Variants in VSTM4 observed in about 807,000 individuals in gnomAD.
VSTM4 encodes the protein V-set and transmembrane domain containing 4, also known as V-set and transmembrane domain-containing protein 4.
A neutral mutation model predicts 36.4 loss-of-function variants in VSTM4; 20 were observed. The observed-to-expected ratio is 0.55, with a 90% CI of 0.39 to 0.80. The LOEUF (loss-of-function observed/expected upper bound fraction) is 0.80, where lower values mean the gene tolerates loss of function less well. Among genes scored for constraint, VSTM4 ranks in the 30% least tolerant of loss-of-function variants. The pLI, the probability that VSTM4 is intolerant of heterozygous loss-of-function variation, is 0.00. For missense variants in VSTM4, 392 were observed against 404.5 expected (o/e 0.97, Z 0.26); for synonymous variants, 182 against 173.9 (o/e 1.05, Z -0.37).
At chr10:49,071,145 A>T (rs1178901926) in intron 4 of VSTM4, among the ~76,000 whole-genome samples, 1 of 152,234 alleles carries the variant, frequency 6.6e-6, no homozygotes, top group Non-Finnish European at 1.5e-5. Context: ...CAAACCAAAC[A>T]GTATCACAGC....
chr10:49,101,011 A>G (rs1844655876), intron 2 of VSTM4, among the ~76,000 whole-genome samples: 1 of 152,118 alleles, frequency 6.6e-6, no homozygotes. Context: ...TATACCTTAT[A>G]TAAAAAAACA....
At chr10:49,034,575 T>C (rs1391597613) in intron 7 of VSTM4, among the ~76,000 whole-genome samples, 1 of 152,240 alleles carries the variant, frequency 6.6e-6, no homozygotes, top group Non-Finnish European at 1.5e-5. Context: ...TAGAATTGAT[T>C]CTGGCTAGGA....
chr10:49,103,503 A>G (rs1024809465), intron 2 of VSTM4: 10 of 1,220,822 alleles, frequency 8.2e-6, no homozygotes, highest in Non-Finnish European at 1.0e-5. Flanking sequence ...TAATTGAACT[A>G]TATTACACTA....
At position 49,028,938 on chromosome 10, in the gene VSTM4, G is replaced by T. The variant is rs899764255; in HGVS notation, c.838-9163C>A. On this transcript the variant is annotated intron_variant, in intron 7 of 7. Transcript: ENST00000332853. Reference sequence around the variant, plus strand: ...ATCAGGAATCTATTTACCCATGAGAGAATTACAAATTATCAGGGGCAGACT... The same window carrying T: ...ATCAGGAATCTATTTACCCATGAGATAATTACAAATTATCAGGGGCAGACT... 3.9e-5 allele frequency among the ~76,000 whole-genome samples: 6 copies of T among 152,342 alleles called. No homozygotes were observed. In the South Asian group the frequency reaches 1.2e-3, roughly 32 times the overall value.
At chr10:49,112,643 C>G (rs543034165) in intron 1 of VSTM4, among the ~76,000 whole-genome samples, 44 of 152,326 alleles carry the variant, frequency 2.9e-4, no homozygotes, top group African/African-American at 8.9e-4. Flanking sequence ...CGTGGGCCCA[C>G]GACCTGCAGG....
chr10:49,108,420 G>A (rs1040794901), intron 1 of VSTM4, among the ~76,000 whole-genome samples: 2 of 152,128 alleles, frequency 1.3e-5, no homozygotes, highest in Admixed American at 1.3e-4. Flanking sequence ...ACTTTTATCA[G>A]TTTTGTCCCT....
intron 4 of VSTM4, among the ~76,000 whole-genome samples, chr10:49,067,628 G>A (rs1683973862): frequency 6.6e-6 from 1 of 152,260 alleles, no homozygotes; most frequent in Non-Finnish European, 1.5e-5. Context: ...TAAAGCCCAG[G>A]AGAGAGGCTT....
At chr10:49,100,556 GA>G (rs1844648224) in intron 2 of VSTM4, among the ~76,000 whole-genome samples, 1 of 151,210 alleles carries the variant, frequency 6.6e-6, no homozygotes, top group South Asian at 2.1e-4. Flanking sequence ...AGAGTCATGT[GA>G]AAAAAAATTG....
In VSTM4 at chr10:49,048,686, C is replaced by T. The variant is rs1015707034; in HGVS notation, c.669-102G>A. ...TAGCTTCCAATAGTTTCTGAGTGCT[C>T]CCTGTGTACCTGTGTAAGGGAAGGT... On this transcript the variant is annotated intron_variant, in intron 5 of 7. Transcript: ENST00000332853. 9 of 892,622 alleles carry T rather than the reference C, an allele frequency of 1.0e-5. No individual in the cohort carries two copies. In the South Asian group the frequency reaches 1.1e-4, roughly 11 times the overall value. The allele number at this position is 892,622 out of a possible 1,614,324, so 55.3% of individuals were successfully genotyped here.
Position 49,016,506 on chromosome 10 carries a change from C to A in VSTM4, c.*3144G>T. On this transcript the variant is annotated 3_prime_UTR_variant, in exon 8 of 8. Coordinates refer to ENST00000332853, the MANE Select transcript of VSTM4 (RefSeq NM_001031746.5). ...CTTAGGACCATTTCTGGCATGAGCT[C>A]CATTCTTGGCTCAGCCTAGGTTACA... 6.6e-6 allele frequency: 1 copy of A among 152,316 alleles called. No homozygotes were observed. Among genetic ancestry groups the A allele is most frequent in the East Asian group, 1.9e-4 (1 of 5,186 alleles). 9.4% of individuals were successfully genotyped at this position (152,316 alleles called of 1,614,324 possible). A position where few individuals can be genotyped will look rare whatever the true frequency, so the allele number is the denominator to read the frequency against.
intron 7 of VSTM4, among the ~76,000 whole-genome samples, chr10:49,022,697 C>T (rs772252463): frequency 4.6e-5 from 7 of 152,094 alleles, no homozygotes; most frequent in Non-Finnish European, 7.4e-5. Context: ...TTACATTTCC[C>T]ATTATAATGA....
chr10:49,019,897 C>A (rs1843157085), intron 7 of VSTM4, 122 bp from the exon 8 acceptor site: 5 of 1,293,586 alleles, frequency 3.9e-6, no homozygotes, highest in Non-Finnish European at 5.1e-6. Context: ...GATAAGTGGA[C>A]AAGAAATTTA....
chr10:49,096,622 C>CGTGTGTGTGTGTGTGTGTGCGT (rs1844574090), intron 2 of VSTM4, among the ~76,000 whole-genome samples: 1 of 122,500 alleles, frequency 8.2e-6, no homozygotes, highest in African/African-American at 3.5e-5. Context: ...CATTGAAGAC[C>CGTGTGTGTGTGTGTGTGTGCGT]GTGTGTGTGT....
intron 4 of VSTM4, among the ~76,000 whole-genome samples, chr10:49,074,553 G>C (rs527991499): frequency 4.3e-4 from 65 of 152,326 alleles, no homozygotes; most frequent in African/African-American, 1.4e-3. Flanking sequence ...CCTGGGCCCA[G>C]CTGAAGGAGA....
intron 7 of VSTM4, among the ~76,000 whole-genome samples, chr10:49,033,499 A>G (rs1843378472): frequency 6.6e-6 from 1 of 152,232 alleles, no homozygotes; most frequent in Non-Finnish European, 1.5e-5. Flanking sequence ...TTAGAGGAAT[A>G]ATTTCACTTT....
chr10:49,054,932 T>C (rs1314794679), intron 5 of VSTM4, among the ~76,000 whole-genome samples: 1 of 127,336 alleles, frequency 7.9e-6, no homozygotes, highest in East Asian at 2.1e-4. Flanking sequence ...GTGCTTCCTC[T>C]GGCCCAGGGC....
intron 1 of VSTM4, among the ~76,000 whole-genome samples, chr10:49,109,350 C>T (rs1207781037): frequency 6.6e-6 from 1 of 152,192 alleles, no homozygotes; most frequent in Non-Finnish European, 1.5e-5. Context: ...AAGCAGGCGG[C>T]CCTGCGGTGG....
At chr10:49,069,655 G>A (rs1160383328) in intron 4 of VSTM4, among the ~76,000 whole-genome samples, 1 of 152,192 alleles carries the variant, frequency 6.6e-6, no homozygotes, top group East Asian at 1.9e-4. Flanking sequence ...CCAGGAATGA[G>A]TCCTGCCTGG....
At chr10:49,044,194 G>A in intron 7 of VSTM4, among the ~76,000 whole-genome samples, 1 of 152,072 alleles carries the variant, frequency 6.6e-6, no homozygotes, top group Non-Finnish European at 1.5e-5. Context: ...CTAGCATAGT[G>A]GCATGCACCT....
Sources: allele counts gnomAD v4.1 joint callset (sites outside exome capture counted in the v4.1 genomes callset), GRCh38; gene constraint gnomAD v4.1.1; transcripts MANE v1.5; gene names NCBI Gene and HGNC (gene_info 2026-07-23, HGNC 2026-07-21).